KIF21B: variants seen among roughly 807,000 people sequenced by gnomAD.
The protein encoded by KIF21B is kinesin-like protein KIF21B.
In KIF21B, 85 loss-of-function variants were observed where a neutral mutation model predicts 192.9. The ratio of observed to expected loss-of-function variants is 0.44; its 90% CI spans 0.37 to 0.53. KIF21B has a LOEUF of 0.53. Ranked by LOEUF, KIF21B falls within the 20% of genes least tolerant of loss-of-function variation. KIF21B has a pLI of 0.00. For synonymous variants in KIF21B, 832 were observed against 884.6 expected (o/e 0.94, Z 1.05); for missense variants, 1,716 against 2,194.8 (o/e 0.78, Z 4.36).
chr1:200,998,504 G>C lies in KIF21B; in HGVS notation c.1957C>G (p.Leu653Val). The C allele has an allele frequency of 6.2e-7, 1 of 1,614,034 alleles. No homozygotes were observed. Among genetic ancestry groups the C allele is most frequent in the Non-Finnish European group, 8.5e-7 (1 of 1,180,032 alleles). The change falls in exon 14 of 35, where the codon CTG (leucine) becomes GTG (valine). Residue 653 changes from leucine to valine, a missense_variant. Transcript: ENST00000461742. This position sits in a 1 kb window ranked among gnomAD's most constrained non-coding sequence, Gnocchi z 4.3. ...TGCAACCGCCGCTGGCTGTTCTCCA[G>C]CTCGTCGATCAGCTTCTGCTTGATT... ...IEIKQKLIDE[L>V]ENSQRRLQTL...
rs1304605725 is a variant in KIF21B at position 200,999,258 on chromosome 1, A to G, written c.1885+91T>C. The G allele has an allele frequency of 5.4e-6, 8 of 1,485,986 alleles. No individual in the cohort carries two copies. Among genetic ancestry groups the G allele is most frequent in the Non-Finnish European group, 6.6e-6 (7 of 1,066,920 alleles). 92.1% of individuals were successfully genotyped at this position (1,485,986 alleles called of 1,614,324 possible). On this transcript the variant is annotated intron_variant, in intron 13 of 34. Coordinates refer to ENST00000461742, the MANE Select transcript of KIF21B (RefSeq NM_001252102.2). This position sits in a 1 kb window ranked among gnomAD's most constrained non-coding sequence, Gnocchi z 4.7. ...CGTCTGGGAGTGCTGGGGCCTGGAC[A>G]CCATTATCTTTGAGCAGGGCCCGAC...
intron 30 of KIF21B, among the ~76,000 whole-genome samples, chr1:200,977,851 C>T (rs370281288): frequency 6.6e-6 from 1 of 150,946 alleles, no homozygotes; most frequent in East Asian, 1.9e-4. Context: ...TCTCCTGCCT[C>T]ACCCTCCCGA....
intron 1 of KIF21B, among the ~76,000 whole-genome samples, chr1:201,015,033 C>A (rs1377499446): frequency 1.3e-5 from 2 of 152,202 alleles, no homozygotes; most frequent in Non-Finnish European, 2.9e-5. Context: ...TAGACACTAT[C>A]TAGGGTGCTT....
In KIF21B at chr1:201,017,066, G is replaced by A. The variant is rs1253502314; in HGVS notation, c.41+6277C>T. 6.6e-6 allele frequency among the ~76,000 whole-genome samples: 1 copy of A among 152,080 alleles called. No individual in the cohort carries two copies. Among genetic ancestry groups the A allele is most frequent in the East Asian group, 1.9e-4 (1 of 5,194 alleles). On this transcript the variant is annotated intron_variant, in intron 1 of 34. Coordinates refer to ENST00000461742, the MANE Select transcript of KIF21B (RefSeq NM_001252102.2). The surrounding 1 kb of genome is among the most constrained non-coding windows in gnomAD (Gnocchi z 4.1). ...CTCTTGAGTGTCCTTGACCTTACTA[G>A]GGTCTTGGCCACTGGCTTCTGAGTA...
At position 200,970,213 on chromosome 1, in the gene KIF21B, TCCA is replaced by T. The variant is rs1233293734; in HGVS notation, c.*3305_*3307del. 1.3e-5 allele frequency: 2 copies of T among 152,904 alleles called. No homozygotes were observed. The highest frequency in any genetic ancestry group is 1.5e-5 in the Non-Finnish European group (1 of 68,084). 9.5% of individuals were successfully genotyped at this position (152,904 alleles called of 1,614,324 possible). On this transcript the variant is annotated 3_prime_UTR_variant, in exon 35 of 35. Transcript: ENST00000461742. ...CTGCAGCCACCTGCTGGTGTCTCCC[TCCA>T]CCACATCAGGCACATGAGAAAGTCC...
In KIF21B at chr1:201,000,070, G is replaced by A. The variant is rs1369154578; in HGVS notation, c.1686-106C>T. 18 of 1,021,800 alleles carry A rather than the reference G, an allele frequency of 1.8e-5. No homozygotes were observed. Among genetic ancestry groups the A allele is most frequent in the Admixed American group, 5.5e-5 (3 of 54,960 alleles). The allele number at this position is 1,021,800 out of a possible 1,614,324, so 63.3% of individuals were successfully genotyped here. A position where few individuals can be genotyped will look rare whatever the true frequency, so the allele number is the denominator to read the frequency against. Reference sequence around the variant, plus strand: ...AAAAGGAAGGCTCTCACCAGAGGCCGGGGAGAGCACTGGCTCCTACTCTGC... The same window carrying A: ...AAAAGGAAGGCTCTCACCAGAGGCCAGGGAGAGCACTGGCTCCTACTCTGC... On this transcript the variant is annotated intron_variant, in intron 11 of 34. Transcript: ENST00000461742. The surrounding 1 kb of genome is among the most constrained non-coding windows in gnomAD (Gnocchi z 6.0).
chr1:201,022,966 C>T (rs1399363122), intron 1 of KIF21B, among the ~76,000 whole-genome samples: 7 of 152,256 alleles, frequency 4.6e-5, no homozygotes, highest in Non-Finnish European at 1.0e-4. Context: ...GGGGAAATTT[C>T]CCTCTCTGGT....
At chr1:200,995,047 C>T (rs1558011771) in intron 15 of KIF21B, among the ~76,000 whole-genome samples, 1 of 152,238 alleles carries the variant, frequency 6.6e-6, no homozygotes, top group Non-Finnish European at 1.5e-5. Context: ...GATGAAGCCT[C>T]CGGACCTGCA....
intron 15 of KIF21B, 66 bp from the exon 16 acceptor site, chr1:200,992,455 G>T: frequency 2.0e-6 from 3 of 1,521,278 alleles, no homozygotes; most frequent in Non-Finnish European, 1.8e-6. Context: ...ACTCTCCAGG[G>T]AGGGGCCAGC....
rs1655210950 is a variant in KIF21B at position 200,971,487 on chromosome 1, T to C, written c.*2034A>G. The C allele has an allele frequency of 6.6e-6, 1 of 152,422 alleles. No individual in the cohort carries two copies. The highest frequency in any genetic ancestry group is 1.5e-5 in the Non-Finnish European group (1 of 68,064). 9.4% of individuals were successfully genotyped at this position (152,422 alleles called of 1,614,324 possible). A position where few individuals can be genotyped will look rare whatever the true frequency, so the allele number is the denominator to read the frequency against. On this transcript the variant is annotated 3_prime_UTR_variant, in exon 35 of 35. Transcript: ENST00000461742. Reference sequence around the variant, plus strand: ...ACAGAGTCTTACGTGTTTCTATCGCTTGTAAACAGTCATGCGGACGGATTC... The same window carrying C: ...ACAGAGTCTTACGTGTTTCTATCGCCTGTAAACAGTCATGCGGACGGATTC...
chr1:201,023,397 T>G lies in KIF21B; in HGVS notation c.-14A>C. 6.6e-7 allele frequency: 1 copy of G among 1,517,280 alleles called. No individual in the cohort carries two copies. The highest frequency in any genetic ancestry group is 8.8e-7 in the Non-Finnish European group (1 of 1,135,178). 94.0% of individuals were successfully genotyped at this position (1,517,280 alleles called of 1,614,324 possible). On this transcript the variant is annotated 5_prime_UTR_variant, in exon 1 of 35. Coordinates refer to ENST00000461742, the MANE Select transcript of KIF21B (RefSeq NM_001252102.2). The surrounding 1 kb of genome is among the most constrained non-coding windows in gnomAD (Gnocchi z 5.9). ...CTGGCCGGCCATGGCCCTCTGGAGCTAGGGTCTGGGCGTGGATCAGAGGCG... is the reference window on the plus strand; with the variant it reads ...CTGGCCGGCCATGGCCCTCTGGAGCGAGGGTCTGGGCGTGGATCAGAGGCG...
At chr1:200,983,217 G>A in intron 27 of KIF21B, 123 bp from the exon 28 acceptor site, 1 of 811,648 alleles carries the variant, frequency 1.2e-6, no homozygotes, top group Non-Finnish European at 2.0e-6. Context: ...GCGGAGCAGA[G>A]ACAGGCAGAG....
At position 200,975,100 on chromosome 1, in the gene KIF21B, C is replaced by A. The variant is rs991530204; in HGVS notation, c.4615-187G>T. Among the ~76,000 whole-genome samples, 20 of 152,314 alleles carry A rather than the reference C, an allele frequency of 1.3e-4. No individual in the cohort carries two copies. Among genetic ancestry groups the A allele is most frequent in the African/African-American group, 4.8e-4 (20 of 41,574 alleles). On this transcript the variant is annotated intron_variant, in intron 33 of 34. Transcript: ENST00000461742. This position sits in a 1 kb window ranked among gnomAD's most constrained non-coding sequence, Gnocchi z 4.3. ...GCCTGTGCTGTGGGCTTTAGGGGAC[C>A]AGAGATGGGTCCCTCTGCTCTACTT...
chr1:200,989,908 T>C (rs774909109), intron 21 of KIF21B, 34 bp downstream of exon 21: 4 of 1,542,368 alleles, frequency 2.6e-6, no homozygotes, highest in Non-Finnish European at 3.6e-6. Context: ...TCTGTGCCCA[T>C]AGAGCCCCCT....
intron 1 of KIF21B, among the ~76,000 whole-genome samples, chr1:201,011,064 A>C (rs1658205953): frequency 6.6e-6 from 1 of 152,222 alleles, no homozygotes; most frequent in Non-Finnish European, 1.5e-5. Context: ...AAAGGAGGTC[A>C]CCACATTTAT....
At chr1:200,983,246 A>G (rs1238263982) in intron 27 of KIF21B, among the ~76,000 whole-genome samples, 152 bp from the exon 28 acceptor site, 1 of 151,958 alleles carries the variant, frequency 6.6e-6, no homozygotes, top group Non-Finnish European at 1.5e-5. Flanking sequence ...GCCTCGGGAG[A>G]GCAGGGGAGG....
chr1:200,984,787 A>C, intron 27 of KIF21B, 72 bp downstream of exon 27: 1 of 1,203,948 alleles, frequency 8.3e-7, no homozygotes, highest in Non-Finnish European at 1.1e-6. Flanking sequence ...GCCCTCCTCC[A>C]GCAAGGACCA....
chr1:200,980,817 A>G (rs1278797948), intron 29 of KIF21B, 143 bp downstream of exon 29: 18 of 1,036,816 alleles, frequency 1.7e-5, no homozygotes, highest in East Asian at 3.1e-5. Flanking sequence ...AAGGTAAGAA[A>G]CAAGGGTAGT....
At position 200,999,895 on chromosome 1, in the gene KIF21B, G is replaced by T; in HGVS notation, c.1755C>A (p.Asn585Lys). 1 of 1,613,776 alleles carries T rather than the reference G, an allele frequency of 6.2e-7. No individual in the cohort carries two copies. The highest frequency in any genetic ancestry group is 8.5e-7 in the Non-Finnish European group (1 of 1,179,996). Residue 585 changes from asparagine to lysine, a missense_variant, in exon 12 of 35, where the codon AAC becomes AAA. Asn to Lys is a moderately conservative substitution (Grantham distance 94). Transcript: ENST00000461742. The surrounding 1 kb of genome is among the most constrained non-coding windows in gnomAD (Gnocchi z 4.7). ...CCGTGCTCCTCACCTCCTCCGCCTC[G>T]TTCTCATCCGTCTCCTCGCTGTTCT... is the stretch of plus-strand genomic sequence containing the variant. ...QQENSEETDE[N>K]EAEEEEEERD...
Sources: gnomAD v4.1 joint callset for allele counts (sites outside exome capture counted in the v4.1 genomes callset) on GRCh38, gnomAD v4.1.1 for gene constraint, Gnocchi (gnomAD v3.1) non-coding constraint, MANE v1.5 for transcripts, NCBI Gene and HGNC (gene_info 2026-07-23, HGNC 2026-07-21) for gene names.